The following EPCIP variants were observed in gnomAD, a reference collection of about 807,000 sequenced individuals.
EPCIP encodes the protein exosomal polycystin 1 interacting protein.
chr21:32,804,687 G>A, the EPCIP span, among the ~76,000 whole-genome samples: 7 of 151,982 alleles, frequency 4.6e-5, no homozygotes, highest in South Asian at 2.1e-4. Flanking sequence ...CAAGCACAGC[G>A]TAAAACAAAA....
the EPCIP span, among the ~76,000 whole-genome samples, chr21:32,809,405 A>G: frequency 2.1e-5 from 3 of 141,778 alleles, no homozygotes; most frequent in African/African-American, 8.0e-5. Context: ...CTTTTTTGAG[A>G]CAAGGTCTTG....
At chr21:32,795,177 C>T in the EPCIP span, among the ~76,000 whole-genome samples, 7 of 152,058 alleles carry the variant, frequency 4.6e-5, no homozygotes, top group African/African-American at 9.7e-5. Context: ...AATCACCCAC[C>T]GATTAATCAC....
chr21:32,794,135 A>G, the EPCIP span: 1 of 1,614,242 alleles, frequency 6.2e-7, no homozygotes, highest in Admixed American at 1.7e-5. Context: ...GACCAGCGTG[A>G]AGTTCAGCAG....
At chr21:32,802,213 T>C in the EPCIP span, among the ~76,000 whole-genome samples, 3 of 152,236 alleles carry the variant, frequency 2.0e-5, no homozygotes, top group African/African-American at 4.8e-5. Flanking sequence ...TATCTGTTAA[T>C]TTATAAAGGC....
the EPCIP span, among the ~76,000 whole-genome samples, chr21:32,808,715 CTTTAT>C: frequency 6.6e-6 from 1 of 152,106 alleles, no homozygotes; most frequent in Non-Finnish European, 1.5e-5. Flanking sequence ...AATGTTTGGA[CTTTAT>C]TTTATAATAA....
chr21:32,799,415 T>G, the EPCIP span, among the ~76,000 whole-genome samples: 1 of 152,196 alleles, frequency 6.6e-6, no homozygotes, highest in Non-Finnish European at 1.5e-5. Context: ...GGACACACTT[T>G]GGGTACTGCA....
the EPCIP span, chr21:32,797,186 C>T: frequency 3.3e-6 from 1 of 305,516 alleles, no homozygotes; most frequent in African/African-American, 2.2e-5. Flanking sequence ...GGGGCAAATA[C>T]CCCTGGTAAC....
the EPCIP span, among the ~76,000 whole-genome samples, chr21:32,805,673 A>AT: frequency 6.6e-6 from 1 of 152,054 alleles, no homozygotes; most frequent in Non-Finnish European, 1.5e-5. Context: ...AGTTGTAGAA[A>AT]TTTTTTATAG....
At chr21:32,799,367 C>T in the EPCIP span, among the ~76,000 whole-genome samples, 30 of 152,330 alleles carry the variant, frequency 2.0e-4, no homozygotes, top group African/African-American at 6.5e-4. Context: ...GAGGGCCCCT[C>T]GATTTTACCA....
chr21:32,809,279 C>CCCTCCTAT, the EPCIP span, among the ~76,000 whole-genome samples: 1 of 79,968 alleles, frequency 1.3e-5, no homozygotes, highest in Non-Finnish European at 2.5e-5. Flanking sequence ...CTCCCTCCTT[C>CCCTCCTAT]CTTTCTTTCT....
the EPCIP span, among the ~76,000 whole-genome samples, chr21:32,808,907 G>A: frequency 4.5e-4 from 69 of 152,144 alleles, no homozygotes; most frequent in African/African-American, 1.5e-3. Flanking sequence ...ACTCTTTGAC[G>A]ATTAGTTTTG....
chr21:32,805,309 G>T, the EPCIP span, among the ~76,000 whole-genome samples: 2 of 152,084 alleles, frequency 1.3e-5, no homozygotes, highest in African/African-American at 2.4e-5. Context: ...ACCTCCAGAA[G>T]TGTAAAATAA....
the EPCIP span, among the ~76,000 whole-genome samples, chr21:32,793,341 CAG>C: frequency 6.6e-5 from 10 of 152,142 alleles, no homozygotes; most frequent in South Asian, 2.1e-4. Context: ...CAAAATGAAA[CAG>C]AAAAAAATTA....
chr21:32,802,031 A>G, the EPCIP span, among the ~76,000 whole-genome samples: 1 of 152,324 alleles, frequency 6.6e-6, no homozygotes, highest in South Asian at 2.1e-4. Flanking sequence ...GAGCAGGTAT[A>G]AGACATCTGG....
the EPCIP span, chr21:32,813,672 C>T: frequency 2.1e-6 from 1 of 471,252 alleles, no homozygotes; most frequent in Non-Finnish European, 4.4e-6. Context: ...CCTGGCTTGA[C>T]AGCTGGTTTA....
At chr21:32,807,334 CT>C in the EPCIP span, among the ~76,000 whole-genome samples, 326 of 129,966 alleles carry the variant, frequency 2.5e-3, 3 homozygotes, top group African/African-American at 8.0e-3. Context: ...CCTCTTATGC[CT>C]TTTTTTTTTT....
the EPCIP span, among the ~76,000 whole-genome samples, chr21:32,812,309 C>T: frequency 7.5e-3 from 1,135 of 152,306 alleles, 12 homozygotes; most frequent in African/African-American, 0.026. Context: ...ACAGCTGCCC[C>T]TTGGTCCCAC....
chr21:32,794,928 C>T, the EPCIP span, among the ~76,000 whole-genome samples: 2 of 152,242 alleles, frequency 1.3e-5, no homozygotes, highest in African/African-American at 4.8e-5. Context: ...CAATATCTGA[C>T]TTCCTGGAAT....
chr21:32,803,458 T>G, the EPCIP span, among the ~76,000 whole-genome samples: 1 of 152,050 alleles, frequency 6.6e-6, no homozygotes, highest in Non-Finnish European at 1.5e-5. Context: ...CCCGTTGAGG[T>G]CAAGGAGGGG....
Sources: gnomAD v4.1 joint callset for allele counts (sites outside exome capture counted in the v4.1 genomes callset) on GRCh38, gnomAD v4.1.1 for gene constraint, MANE v1.5 for transcripts, NCBI Gene and HGNC (gene_info 2026-07-23, HGNC 2026-07-21) for gene names.